RAPGEF2: variants seen among roughly 807,000 people sequenced by gnomAD.
RAPGEF2 encodes the protein PDZ domain containing guanine nucleotide exchange factor (GEF) 1.
A neutral mutation model predicts 186.7 loss-of-function variants in RAPGEF2; 54 were observed. That is an observed-to-expected ratio of 0.29 (90% confidence interval 0.23 to 0.36). The LOEUF is 0.36. Among genes scored for constraint, RAPGEF2 ranks in the 10% least tolerant of loss-of-function variants. The pLI, the probability that RAPGEF2 is intolerant of heterozygous loss-of-function variation, is 1.00. For synonymous variants in RAPGEF2, 712 were observed against 705.9 expected (o/e 1.01, Z -0.14); for missense variants, 1,532 against 2,045.0 (o/e 0.75, Z 4.84).
At chr4:159,291,571 C>T (rs1258845401) in intron 7 of RAPGEF2, among the ~76,000 whole-genome samples, 1 of 152,216 alleles carries the variant, frequency 6.6e-6, no homozygotes, top group African/African-American at 2.4e-5. Context: ...GCTGGGATTA[C>T]AGGCATGAGC....
intron 1 of RAPGEF2, among the ~76,000 whole-genome samples, chr4:159,104,527 G>GAGAGAGA (rs1560964822): frequency 0.012 from 1,036 of 88,384 alleles, 55 homozygotes; most frequent in African/African-American, 0.025. Flanking sequence ...AGAGAGAGAG[G>GAGAGAGA]GAGAGACAGA....
At chr4:159,276,803 A>G (rs1378621784) in intron 7 of RAPGEF2, among the ~76,000 whole-genome samples, 1 of 152,134 alleles carries the variant, frequency 6.6e-6, no homozygotes, top group African/African-American at 2.4e-5. Flanking sequence ...TCTGTTGAAC[A>G]TCCTCACAAA....
At chr4:159,178,705 A>G (rs1746714261) in intron 1 of RAPGEF2, among the ~76,000 whole-genome samples, 1 of 151,826 alleles carries the variant, frequency 6.6e-6, no homozygotes, top group South Asian at 2.1e-4. Flanking sequence ...TTACAGGTGC[A>G]CACTACCACG....
At chr4:159,350,968 T>C in intron 26 of RAPGEF2, 1 of 1,360,142 alleles carries the variant, frequency 7.4e-7, no homozygotes, top group East Asian at 2.5e-5. Context: ...TTGGTAGATA[T>C]TTCAGACATC....
intron 7 of RAPGEF2, among the ~76,000 whole-genome samples, chr4:159,279,149 A>G (rs1237043458): frequency 6.6e-6 from 1 of 152,208 alleles, no homozygotes; most frequent in Non-Finnish European, 1.5e-5. Context: ...GAAACTCTTC[A>G]TTTATGATCT....
intron 1 of RAPGEF2, among the ~76,000 whole-genome samples, chr4:159,138,179 C>T (rs1741928064): frequency 6.6e-6 from 1 of 152,048 alleles, no homozygotes; most frequent in Non-Finnish European, 1.5e-5. Context: ...AGTTTTATAC[C>T]ACCCCTACGT....
intron 19 of RAPGEF2, among the ~76,000 whole-genome samples, chr4:159,340,160 C>T (rs1352129162): frequency 3.9e-5 from 6 of 152,246 alleles, no homozygotes; most frequent in East Asian, 3.9e-4. Context: ...TTTTAACTTA[C>T]GGAGTGTTTC....
chr4:159,244,369 A>C (rs765518532), intron 7 of RAPGEF2, among the ~76,000 whole-genome samples: 19 of 151,810 alleles, frequency 1.3e-4, no homozygotes, highest in South Asian at 2.1e-4. Flanking sequence ...TCTTGCTTTT[A>C]TTTCATTCTA....
intron 1 of RAPGEF2, among the ~76,000 whole-genome samples, chr4:159,117,575 A>G (rs1320205382): frequency 1.3e-5 from 2 of 150,860 alleles, no homozygotes; most frequent in Non-Finnish European, 2.9e-5. Flanking sequence ...ATATTCTGCG[A>G]TGGTTGGGTT....
At chr4:159,276,637 C>T (rs1294247319) in intron 7 of RAPGEF2, among the ~76,000 whole-genome samples, 1 of 152,148 alleles carries the variant, frequency 6.6e-6, no homozygotes. Context: ...AACATTTCTT[C>T]TCCCTTTGCA....
chr4:159,104,534 CAGAG>C lies in RAPGEF2; in HGVS notation c.69+320_69+323del, dbSNP rs1209953581. Among the ~76,000 whole-genome samples, 587 of 62,446 alleles carry C rather than the reference CAGAG, an allele frequency of 9.4e-3. 10 individuals are homozygous for C. Among genetic ancestry groups the C allele is most frequent in the Middle Eastern group, 0.016 (2 of 126 alleles). The allele number at this position is 62,446 out of a possible 152,430, so 41.0% of individuals were successfully genotyped here. A position where few individuals can be genotyped will look rare whatever the true frequency, so the allele number is the denominator to read the frequency against. Reference sequence around the variant, plus strand: ...AGAGAGAGAGAGAGAGAGGGAGAGACAGAGAGAGAGAGAGAGAGAGTGTGTGTGT... The same window carrying C: ...AGAGAGAGAGAGAGAGAGGGAGAGACAGAGAGAGAGAGAGAGTGTGTGTGT... On this transcript the variant is annotated intron_variant, in intron 1 of 29. Transcript: ENST00000691494.
At chr4:159,142,645 T>C (rs1411351237) in intron 1 of RAPGEF2, among the ~76,000 whole-genome samples, 2 of 152,052 alleles carry the variant, frequency 1.3e-5, no homozygotes, top group East Asian at 3.8e-4. Flanking sequence ...TAAAAATATA[T>C]GTTTTAACAT....
At chr4:159,251,830 A>C (rs972163610) in intron 7 of RAPGEF2, among the ~76,000 whole-genome samples, 2 of 151,856 alleles carry the variant, frequency 1.3e-5, no homozygotes, top group Non-Finnish European at 2.9e-5. Flanking sequence ...AGATAAGGGA[A>C]TAAACAGGCT....
chr4:159,187,574 T>A (rs1252287059), intron 2 of RAPGEF2, among the ~76,000 whole-genome samples: 2 of 152,244 alleles, frequency 1.3e-5, no homozygotes, highest in Admixed American at 1.3e-4. Context: ...ACTACCTTTT[T>A]CAGAGAAACA....
At chr4:159,175,123 G>A (rs1056749064) in intron 1 of RAPGEF2, among the ~76,000 whole-genome samples, 2 of 152,116 alleles carry the variant, frequency 1.3e-5, no homozygotes, top group African/African-American at 4.8e-5. Flanking sequence ...GGCCTTATCA[G>A]CAATGACCAG....
At position 159,355,740 on chromosome 4, in the gene RAPGEF2, A is replaced by G. The variant is rs1731885271; in HGVS notation, c.4652-113A>G. 3.9e-6 allele frequency: 4 copies of G among 1,034,992 alleles called. No individual in the cohort carries two copies. In the Admixed American group the frequency reaches 7.8e-5, roughly 20 times the overall value. The allele number at this position is 1,034,992 out of a possible 1,614,324, so 64.1% of individuals were successfully genotyped here. A position where few individuals can be genotyped will look rare whatever the true frequency, so the allele number is the denominator to read the frequency against. ...CGCACCTCTAACCGATACCATGCAA[A>G]TGCACATCTGCTGCTACACTGTGGA... On this transcript the variant is annotated intron_variant, in intron 28 of 29. Coordinates refer to ENST00000691494, the MANE Select transcript of RAPGEF2 (RefSeq NM_001394067.2).
intron 5 of RAPGEF2, 126 bp downstream of exon 5, chr4:159,239,010 ATATAT>A (rs1282091571): frequency 6.3e-6 from 3 of 478,548 alleles, no homozygotes; most frequent in African/African-American, 4.0e-5. Flanking sequence ...TCTATAACAG[ATATAT>A]TTATTTCACA....
intron 1 of RAPGEF2, among the ~76,000 whole-genome samples, chr4:159,110,470 G>C (rs534058031): frequency 6.6e-6 from 1 of 151,978 alleles, no homozygotes; most frequent in Admixed American, 6.6e-5. Context: ...CCAGCTACTC[G>C]GGGAGACTGA....
intron 7 of RAPGEF2, among the ~76,000 whole-genome samples, chr4:159,289,930 G>A (rs184820343): frequency 5.8e-4 from 89 of 152,266 alleles, no homozygotes; most frequent in Admixed American, 5.8e-3. Flanking sequence ...CTGAGGGGAA[G>A]AGAAGTGAGT....
Sources: allele counts gnomAD v4.1 joint callset (sites outside exome capture counted in the v4.1 genomes callset), GRCh38; gene constraint gnomAD v4.1.1; transcripts MANE v1.5; gene names NCBI Gene and HGNC (gene_info 2026-07-23, HGNC 2026-07-21).